The following CCDC91 variants were observed in gnomAD, a reference collection of about 807,000 sequenced individuals.
CCDC91 encodes coiled-coil domain-containing protein 91.
CCDC91 carries 48 observed loss-of-function variants against 63.2 expected under a neutral mutation model. The ratio of observed to expected loss-of-function variants is 0.76; its 90% CI spans 0.60 to 0.97. CCDC91 has a LOEUF of 0.97. Ranked by LOEUF, CCDC91 falls within the 50% of genes least tolerant of loss-of-function variation. The pLI, the probability that CCDC91 is intolerant of heterozygous loss-of-function variation, is 0.00. For synonymous variants in CCDC91, 167 were observed against 165.8 expected, an observed-to-expected ratio of 1.01 and a Z score of -0.06; for missense variants, 500 against 494.6, an observed-to-expected ratio of 1.01 and a Z score of -0.10.
chr12:28,200,477 G>T (rs1227431762), intron 1 of CCDC91, among the ~76,000 whole-genome samples: 1 of 145,420 alleles, frequency 6.9e-6, no homozygotes, highest in Non-Finnish European at 1.5e-5. Context: ...TTAGGGAGTG[G>T]TGATGACTCT....
chr12:28,543,388 TTTG>T (rs1274165188), intron 12 of CCDC91, among the ~76,000 whole-genome samples: 2 of 151,990 alleles, frequency 1.3e-5, no homozygotes, highest in Non-Finnish European at 1.5e-5. Flanking sequence ...CCCGCCTTAT[TTTG>T]TTGTTTTTGT....
At chr12:28,495,027 C>T (rs1327050682) in intron 12 of CCDC91, among the ~76,000 whole-genome samples, 1 of 151,688 alleles carries the variant, frequency 6.6e-6, no homozygotes, top group East Asian at 1.9e-4. Flanking sequence ...TCCATTCTGA[C>T]CAGTAGTACA....
chr12:28,498,094 G>T (rs1190018320), intron 12 of CCDC91, among the ~76,000 whole-genome samples: 1 of 151,508 alleles, frequency 6.6e-6, no homozygotes, highest in Non-Finnish European at 1.5e-5. Context: ...AGAACAACAA[G>T]AACAACTTTA....
At chr12:28,474,773 G>GA (rs146240784) in intron 11 of CCDC91, among the ~76,000 whole-genome samples, 31,605 of 146,082 alleles carry the variant, frequency 0.22, 4,218 homozygotes, top group Non-Finnish European at 0.31. Flanking sequence ...ACATGAAAAA[G>GA]AAAAAAAAAA....
chr12:28,422,044 A>G (rs1342029392), intron 8 of CCDC91, among the ~76,000 whole-genome samples: 1 of 152,118 alleles, frequency 6.6e-6, no homozygotes, highest in East Asian at 1.9e-4. Context: ...TTAATGTATA[A>G]TAGTCTTTGA....
At position 28,447,161 on chromosome 12, in the gene CCDC91, C is replaced by T. The variant is rs562529413; in HGVS notation, c.763-3000C>T. Among the ~76,000 whole-genome samples the T allele has an allele frequency of 3.9e-5, 6 of 152,076 alleles. No individual in the cohort carries two copies. In the South Asian group the frequency reaches 1.0e-3, roughly 26 times the overall value. The stretch of plus-strand genomic sequence containing the variant: ...ATAATTGTACAATTTCACAAAGATG[C>T]ATGCATAAAAATAAACATTTTTTAA... On this transcript the variant is annotated intron_variant, in intron 8 of 12. Transcript: ENST00000536442.
chr12:28,445,798 A>T (rs1949467804), intron 8 of CCDC91, among the ~76,000 whole-genome samples: 1 of 152,182 alleles, frequency 6.6e-6, no homozygotes, highest in African/African-American at 2.4e-5. Context: ...CTGTGTGCTC[A>T]CACAGAGAGA....
chr12:28,264,148 C>G (rs574722213), intron 3 of CCDC91, among the ~76,000 whole-genome samples: 2 of 151,640 alleles, frequency 1.3e-5, no homozygotes, highest in South Asian at 4.2e-4. Context: ...CTGCTGTATG[C>G]CAGTAGGTAA....
intron 3 of CCDC91, among the ~76,000 whole-genome samples, chr12:28,291,891 A>G (rs1268725360): frequency 3.3e-5 from 5 of 152,220 alleles, no homozygotes; most frequent in East Asian, 1.9e-4. Context: ...ATTGCTCTCA[A>G]TTGGTTGTTG....
At chr12:28,441,009 G>A (rs2140205831) in intron 8 of CCDC91, among the ~76,000 whole-genome samples, 1 of 114,232 alleles carries the variant, frequency 8.8e-6, no homozygotes, top group South Asian at 3.1e-4. Flanking sequence ...AGTGAGCCAA[G>A]ATCGTGCCAC....
intron 12 of CCDC91, among the ~76,000 whole-genome samples, chr12:28,548,005 T>A (rs939127325): frequency 6.6e-6 from 1 of 152,094 alleles, no homozygotes; most frequent in Non-Finnish European, 1.5e-5. Context: ...CTATAGGGAA[T>A]GTGTTTGCCT....
At chr12:28,394,477 CA>C (rs554990076) in intron 8 of CCDC91, among the ~76,000 whole-genome samples, 69 of 143,022 alleles carry the variant, frequency 4.8e-4, no homozygotes, top group African/African-American at 1.6e-3. Context: ...AACAAACAAA[CA>C]AAAAAAAAAC....
At chr12:28,541,139 A>T (rs1383694518) in intron 12 of CCDC91, among the ~76,000 whole-genome samples, 1 of 152,140 alleles carries the variant, frequency 6.6e-6, no homozygotes, top group Non-Finnish European at 1.5e-5. Context: ...AGGTTTTGGG[A>T]TGCTTTGTTG....
chr12:28,422,274 T>G (rs1661685648), intron 8 of CCDC91, among the ~76,000 whole-genome samples: 1 of 152,152 alleles, frequency 6.6e-6, no homozygotes, highest in African/African-American at 2.4e-5. Context: ...TATATTTAAT[T>G]CAATACTTTT....
At chr12:28,205,200 G>C (rs1942753057) in intron 1 of CCDC91, among the ~76,000 whole-genome samples, 1 of 151,882 alleles carries the variant, frequency 6.6e-6, no homozygotes. Flanking sequence ...GAAGAGAGAA[G>C]GGAGAATGAA....
intron 12 of CCDC91, among the ~76,000 whole-genome samples, chr12:28,514,342 T>C (rs1022470067): frequency 4.6e-5 from 7 of 152,048 alleles, no homozygotes; most frequent in African/African-American, 1.7e-4. Context: ...AAATTTCTTA[T>C]GGATGCTAGA....
chr12:28,443,473 T>TCATG (rs1949339527), intron 8 of CCDC91, among the ~76,000 whole-genome samples: 2 of 152,088 alleles, frequency 1.3e-5, no homozygotes, highest in South Asian at 4.1e-4. Flanking sequence ...ATTCATTCAT[T>TCATG]CATGCATGCA....
intron 8 of CCDC91, among the ~76,000 whole-genome samples, chr12:28,393,335 C>G (rs1199510275): frequency 6.6e-6 from 1 of 151,594 alleles, no homozygotes; most frequent in Non-Finnish European, 1.5e-5. Context: ...GCCGTATCCA[C>G]AGTTGTTTTA....
chr12:28,333,923 A>G (rs1482666079), intron 6 of CCDC91, among the ~76,000 whole-genome samples: 1 of 151,906 alleles, frequency 6.6e-6, no homozygotes, highest in Non-Finnish European at 1.5e-5. Context: ...TTAATCACTG[A>G]GTTATTACCT....
Sources: gnomAD v4.1 joint callset for allele counts (sites outside exome capture counted in the v4.1 genomes callset) on GRCh38, gnomAD v4.1.1 for gene constraint, MANE v1.5 for transcripts, NCBI Gene and HGNC (gene_info 2026-07-23, HGNC 2026-07-21) for gene names.